Variants in QKI observed in about 807,000 individuals in gnomAD.
The protein encoded by QKI is QKI, KH domain containing RNA binding, also known as KH domain-containing RNA-binding protein QKI.
Under a neutral mutation model 39.0 loss-of-function variants are expected in QKI, and 10 were observed. The observed-to-expected ratio is 0.26, with a 90% CI of 0.16 to 0.43. The LOEUF (loss-of-function observed/expected upper bound fraction) is 0.43. Among genes scored for constraint, QKI ranks in the 20% least tolerant of loss-of-function variants. The pLI is 1.00. For synonymous variants in QKI, 204 were observed against 155.4 expected, an observed-to-expected ratio of 1.31 and a Z score of -2.33; for missense variants, 218 against 428.0, an observed-to-expected ratio of 0.51 and a Z score of 4.33.
chr6:163,498,238 C>G (rs1337365312), intron 3 of QKI, among the ~76,000 whole-genome samples: 1 of 150,532 alleles, frequency 6.6e-6, no homozygotes, highest in Non-Finnish European at 1.5e-5. Context: ...CAACTCCTTT[C>G]TGCCCTCAGT....
intron 7 of QKI, chr6:163,569,245 GTA>G (rs1445732700): frequency 4.1e-6 from 4 of 971,230 alleles, no homozygotes; most frequent in Non-Finnish European, 4.9e-6. Context: ...TGAAGATACA[GTA>G]TTTTTGTAGT....
intron 3 of QKI, among the ~76,000 whole-genome samples, chr6:163,493,375 C>T (rs1162603071): frequency 2.6e-5 from 4 of 152,072 alleles, no homozygotes; most frequent in Non-Finnish European, 5.9e-5. Flanking sequence ...GGTGATCCAC[C>T]GCCTCGGCCT....
chr6:163,487,336 C>T (rs1008297519), intron 3 of QKI, among the ~76,000 whole-genome samples: 4 of 152,112 alleles, frequency 2.6e-5, no homozygotes, highest in African/African-American at 9.7e-5. Context: ...TCACCTTTTG[C>T]CTCCCAGATT....
intron 4 of QKI, among the ~76,000 whole-genome samples, chr6:163,549,666 C>T (rs541869015): frequency 4.6e-5 from 7 of 152,110 alleles, no homozygotes; most frequent in Non-Finnish European, 8.8e-5. Context: ...GAGCCGAGAT[C>T]GTGCCACTGC....
intron 3 of QKI, among the ~76,000 whole-genome samples, chr6:163,532,746 T>C (rs1780940126): frequency 1.3e-5 from 2 of 152,270 alleles, no homozygotes; most frequent in South Asian, 4.1e-4. Context: ...CTCTCAAGTA[T>C]GCAACGATCA....
At position 163,415,025 on chromosome 6, in the gene QKI, G is replaced by A. The variant is rs1562405529; in HGVS notation, c.-169G>A. On this transcript the variant is annotated 5_prime_UTR_variant, in exon 1 of 8. Coordinates refer to ENST00000361752, the MANE Select transcript of QKI (RefSeq NM_006775.3). ...AAGTGCCTGCGGGGGGCGGGCGAGC[G>A]CGCGGTGCCGGCCGCCCCGGGGCTC... The A allele has an allele frequency of 8.3e-6, 5 of 600,870 alleles. No homozygotes were observed. The highest frequency in any genetic ancestry group is 4.0e-5 in the African/African-American group (2 of 49,444). 37.2% of individuals were successfully genotyped at this position (600,870 alleles called of 1,614,324 possible).
At chr6:163,431,609 A>G (rs1487278365) in intron 1 of QKI, among the ~76,000 whole-genome samples, 1 of 152,070 alleles carries the variant, frequency 6.6e-6, no homozygotes, top group African/African-American at 2.4e-5. Flanking sequence ...TTAAGATGCA[A>G]TTTTGTGAGA....
At chr6:163,539,988 ATACT>A (rs1210605469) in intron 4 of QKI, among the ~76,000 whole-genome samples, 1 of 151,788 alleles carries the variant, frequency 6.6e-6, no homozygotes, top group Non-Finnish European at 1.5e-5. Flanking sequence ...GAGCTTTGTG[ATACT>A]TACGTAACAT....
intron 1 of QKI, among the ~76,000 whole-genome samples, chr6:163,432,424 T>G (rs1788906758): frequency 6.7e-6 from 1 of 149,822 alleles, no homozygotes; most frequent in African/African-American, 2.5e-5. Flanking sequence ...AGAGATGGGG[T>G]TTCACCCTGT....
intron 2 of QKI, among the ~76,000 whole-genome samples, chr6:163,456,850 T>C (rs1790959870): frequency 6.6e-6 from 1 of 152,068 alleles, no homozygotes; most frequent in South Asian, 2.1e-4. Context: ...AGCAGGAGTT[T>C]GTGGAGCTTC....
At chr6:163,469,357 C>T (rs962351577) in intron 2 of QKI, among the ~76,000 whole-genome samples, 6 of 152,012 alleles carry the variant, frequency 3.9e-5, no homozygotes, top group Non-Finnish European at 7.4e-5. Context: ...ACTAAAGTAT[C>T]TCTGTTCATA....
chr6:163,522,769 C>T (rs1780240864), intron 3 of QKI, among the ~76,000 whole-genome samples: 2 of 152,114 alleles, frequency 1.3e-5, no homozygotes, highest in South Asian at 2.1e-4. Flanking sequence ...TCCTGAACAT[C>T]GTCATAAACT....
chr6:163,566,094 A>T, intron 6 of QKI: 1 of 1,508,674 alleles, frequency 6.6e-7, no homozygotes, highest in Non-Finnish European at 8.9e-7. Context: ...CACTTTTTGC[A>T]CATAGATATA....
intron 3 of QKI, 99 bp downstream of exon 3, chr6:163,478,995 T>A: frequency 9.5e-7 from 1 of 1,050,596 alleles, no homozygotes; most frequent in Non-Finnish European, 1.4e-6. Flanking sequence ...CTTAAAACAC[T>A]ATATTCCAGG....
In QKI at chr6:163,442,197, C is replaced by G. The variant is rs138815030; in HGVS notation, c.143-13082C>G. ...TTTAAAAGATTGCAAAAGTATAAAA[C>G]TGACCTTTTCAGTAATTTGTTTAGT... On this transcript the variant is annotated intron_variant, in intron 1 of 7. Coordinates refer to ENST00000361752, the MANE Select transcript of QKI (RefSeq NM_006775.3). 5.2e-3 allele frequency among the ~76,000 whole-genome samples: 786 copies of G among 152,216 alleles called. 11 individuals are homozygous for G. The highest frequency in any genetic ancestry group is 0.018 in the African/African-American group (751 of 41,514).
At position 163,415,220 on chromosome 6, in the gene QKI, G is replaced by C; in HGVS notation, c.27G>C (p.Glu9Asp). The C allele has an allele frequency of 4.4e-6, 7 of 1,592,060 alleles. No homozygotes were observed. Among genetic ancestry groups the C allele is most frequent in the Non-Finnish European group, 6.0e-6 (7 of 1,166,788 alleles). Reference sequence around the variant, plus strand: ...TGGTCGGGGAAATGGAAACGAAGGAGAAGCCGAAGCCCACCCCAGATTACC... The same window carrying C: ...TGGTCGGGGAAATGGAAACGAAGGACAAGCCGAAGCCCACCCCAGATTACC... MVGEMETK[E>D]KPKPTPDYLM... is the part of the protein sequence containing the mutation. Residue 9 changes from glutamate (E) to aspartate (D), a missense_variant, in exon 1 of 8, where the codon GAG becomes GAC. By Grantham distance (45) the Glu-to-Asp change is conservative (BLOSUM62 2). Around this residue, in one of 3 missense-constraint regions of QKI, gnomAD observed 40 missense variants for 48.7 expected, o/e 0.82. Transcript: ENST00000361752.
intron 3 of QKI, among the ~76,000 whole-genome samples, chr6:163,490,061 G>A (rs1292140636): frequency 1.3e-5 from 2 of 152,162 alleles, no homozygotes; most frequent in Non-Finnish European, 2.9e-5. Context: ...CTTACAAATT[G>A]TATTCTTATC....
At position 163,575,686 on chromosome 6, in the gene QKI, C is replaced by G. The variant is rs767404224; in HGVS notation, c.*4976C>G. The G allele has an allele frequency of 1.2e-4, 18 of 152,152 alleles. No individual in the cohort carries two copies. Among genetic ancestry groups the G allele is most frequent in the Non-Finnish European group, 2.5e-4 (17 of 68,014 alleles). 9.4% of individuals were successfully genotyped at this position (152,152 alleles called of 1,614,324 possible). A position where few individuals can be genotyped will look rare whatever the true frequency, so the allele number is the denominator to read the frequency against. ...GTGCATACGTACACACAATCGGTGTCTGGTTATGGTTTTCTAAACACTACA... is the reference window on the plus strand; with the variant it reads ...GTGCATACGTACACACAATCGGTGTGTGGTTATGGTTTTCTAAACACTACA... On this transcript the variant is annotated 3_prime_UTR_variant, in exon 8 of 8. Transcript: ENST00000361752.
chr6:163,528,848 C>G (rs1780674078), intron 3 of QKI, among the ~76,000 whole-genome samples: 1 of 152,020 alleles, frequency 6.6e-6, no homozygotes, highest in South Asian at 2.1e-4. Flanking sequence ...TTGCACCCTA[C>G]CTTAAAAGAT....
Sources: allele counts gnomAD v4.1 joint callset (sites outside exome capture counted in the v4.1 genomes callset), GRCh38; gene constraint gnomAD v4.1.1; regional missense constraint gnomAD v4.1.1; transcripts MANE v1.5; gene names NCBI Gene and HGNC (gene_info 2026-07-23, HGNC 2026-07-21).